The following CTNNA2 variants were observed in gnomAD, a reference collection of about 807,000 sequenced individuals.
CTNNA2 encodes catenin alpha-2.
A neutral mutation model predicts 101.0 loss-of-function variants in CTNNA2; 42 were observed. The ratio of observed to expected loss-of-function variants is 0.42; its 90% CI spans 0.32 to 0.54. The LOEUF is 0.54. Among genes scored for constraint, CTNNA2 ranks in the 20% least tolerant of loss-of-function variants. CTNNA2 has a pLI of 0.14. For synonymous variants in CTNNA2, 450 were observed against 456.4 expected, an observed-to-expected ratio of 0.99 and a Z score of 0.18; for missense variants, 871 against 1,223.1, an observed-to-expected ratio of 0.71 and a Z score of 4.29.
intron 7 of CTNNA2, among the ~76,000 whole-genome samples, chr2:80,366,049 A>G (rs1242069410): frequency 1.3e-5 from 2 of 152,152 alleles, no homozygotes; most frequent in Non-Finnish European, 2.9e-5. Flanking sequence ...ATGATAGGGA[A>G]GGTAATGGGA....
At position 80,574,312 on chromosome 2, in the gene CTNNA2, A is replaced by C; in HGVS notation, c.1891A>C (p.Arg631=). 1 of 1,608,464 alleles carries C rather than the reference A, an allele frequency of 6.2e-7. No homozygotes were observed. Among genetic ancestry groups the C allele is most frequent in the Non-Finnish European group, 8.5e-7 (1 of 1,175,690 alleles). The change falls in exon 13 of 19, where the codon AGG becomes CGG. Residue 631 remains arginine (R), a splice_region_variant and synonymous_variant. Coordinates refer to ENST00000402739, the MANE Select transcript of CTNNA2 (RefSeq NM_001282597.3). ...RDIRKAVLMI[R]TPEELEDDSD... ...CATCAGAAAGGCTGTGCTGATGATC[A>C]GGGTATGTGAGGCCTCTGTAGCTCA...
chr2:80,564,555 A>G (rs1447721865), intron 12 of CTNNA2, among the ~76,000 whole-genome samples: 1 of 142,336 alleles, frequency 7.0e-6, no homozygotes, highest in African/African-American at 2.6e-5. Context: ...GTCCTTCTTC[A>G]TCTTTTATCA....
chr2:79,562,777 CATG>C (rs1276272770), intron 1 of CTNNA2, among the ~76,000 whole-genome samples: 5 of 151,914 alleles, frequency 3.3e-5, no homozygotes, highest in Non-Finnish European at 2.9e-5. Context: ...TGTTGAACAG[CATG>C]ATATCACTTT....
chr2:80,451,629 T>C (rs1257102295), intron 9 of CTNNA2, among the ~76,000 whole-genome samples: 1 of 152,200 alleles, frequency 6.6e-6, no homozygotes, highest in Non-Finnish European at 1.5e-5. Context: ...CATCAGGACT[T>C]GATATGTAAT....
intron 2 of CTNNA2, among the ~76,000 whole-genome samples, chr2:79,243,712 C>G (rs1674663269): frequency 6.6e-6 from 1 of 152,100 alleles, no homozygotes; most frequent in Admixed American, 6.5e-5. Context: ...TACTGAGGAT[C>G]AGGAAAAGTC....
At chr2:80,415,766 A>T (rs142255390) in intron 8 of CTNNA2, among the ~76,000 whole-genome samples, 7 of 152,270 alleles carry the variant, frequency 4.6e-5, no homozygotes, top group African/African-American at 1.7e-4. Flanking sequence ...TAGCCAAGAC[A>T]TGGAATCAAC....
In CTNNA2 at chr2:79,766,818, T is replaced by A. The variant is rs563193901; in HGVS notation, c.298+22236T>A. Among the ~76,000 whole-genome samples the A allele has an allele frequency of 7.6e-4, 115 of 152,074 alleles. 1 individual carries two copies. The highest frequency in any genetic ancestry group is 9.4e-4 in the Non-Finnish European group (64 of 67,992). ...TCACCCAGGCTGGAGTGCAGCGGCA[T>A]GATCTCGGCTCACCGCAACCTCCAC... On this transcript the variant is annotated intron_variant, in intron 3 of 18. Coordinates refer to ENST00000402739, the MANE Select transcript of CTNNA2 (RefSeq NM_001282597.3).
At chr2:79,466,093 C>T (rs1558673274) in intron 4 of CTNNA2, among the ~76,000 whole-genome samples, 1 of 152,234 alleles carries the variant, frequency 6.6e-6, no homozygotes, top group Non-Finnish European at 1.5e-5. Flanking sequence ...GAGGCATCGC[C>T]TCACCCAGGA....
In CTNNA2 at chr2:79,565,585, A is replaced by G. The variant is rs73938728; in HGVS notation, c.-6+52378A>G. On this transcript the variant is annotated intron_variant, in intron 1 of 18. Transcript: ENST00000402739. Reference sequence around the variant, plus strand: ...GGAAACTCGCAGAAGTATTTAAGCAATTATTCAGGAGGTAGATAGAACCTT... The same window carrying G: ...GGAAACTCGCAGAAGTATTTAAGCAGTTATTCAGGAGGTAGATAGAACCTT... 7.6e-3 allele frequency among the ~76,000 whole-genome samples: 1,161 copies of G among 152,284 alleles called. 15 individuals carry two copies. Among genetic ancestry groups the G allele is most frequent in the African/African-American group, 0.027 (1,102 of 41,566 alleles).
At chr2:80,079,750 C>G (rs950810558) in intron 7 of CTNNA2, among the ~76,000 whole-genome samples, 10 of 151,366 alleles carry the variant, frequency 6.6e-5, no homozygotes, top group African/African-American at 9.7e-5. Flanking sequence ...GGAGGCGGAG[C>G]TTGCAGTGAG....
intron 1 of CTNNA2, among the ~76,000 whole-genome samples, chr2:79,619,292 T>G (rs1479588228): frequency 6.6e-6 from 1 of 152,154 alleles, no homozygotes; most frequent in African/African-American, 2.4e-5. Flanking sequence ...GGGAAAAGAC[T>G]AAGAAAGAAG....
At position 79,737,205 on chromosome 2, in the gene CTNNA2, T is replaced by C. The variant is rs559508391; in HGVS notation, c.103-7182T>C. On this transcript the variant is annotated intron_variant, in intron 2 of 18. Coordinates refer to ENST00000402739, the MANE Select transcript of CTNNA2 (RefSeq NM_001282597.3). ...TCTACTAAAAATACAAAAAATTAGCTGGGCTTGGTGGCGGGTGCCTGTAAT... is the reference window on the plus strand; with the variant it reads ...TCTACTAAAAATACAAAAAATTAGCCGGGCTTGGTGGCGGGTGCCTGTAAT... Among the ~76,000 whole-genome samples, 183 of 152,102 alleles carry C rather than the reference T, an allele frequency of 1.2e-3. 1 individual carries two copies. Among genetic ancestry groups the C allele is most frequent in the Middle Eastern group, 3.4e-3 (1 of 294 alleles).
At chr2:80,235,192 A>G (rs2149082038) in intron 7 of CTNNA2, among the ~76,000 whole-genome samples, 1 of 152,298 alleles carries the variant, frequency 6.6e-6, no homozygotes, top group African/African-American at 2.4e-5. Context: ...AAATATGCAT[A>G]TATGAAAGTA....
intron 1 of CTNNA2, among the ~76,000 whole-genome samples, chr2:79,525,271 T>C (rs1672340949): frequency 6.6e-6 from 1 of 151,940 alleles, no homozygotes; most frequent in Non-Finnish European, 1.5e-5. Context: ...AGTAAGATCT[T>C]CTTATTCAAA....
intron 18 of CTNNA2, among the ~76,000 whole-genome samples, chr2:80,637,832 C>T (rs997183610): frequency 2.1e-4 from 32 of 152,244 alleles, no homozygotes; most frequent in African/African-American, 7.7e-4. Context: ...AACCTGCACC[C>T]AAACCGCAGC....
chr2:79,923,662 A>G (rs1574322666), intron 7 of CTNNA2, among the ~76,000 whole-genome samples: 1 of 152,078 alleles, frequency 6.6e-6, no homozygotes. Context: ...CTGTGTAACT[A>G]TTTCATGCTG....
intron 7 of CTNNA2, among the ~76,000 whole-genome samples, chr2:80,309,922 A>G (rs954162385): frequency 7.7e-6 from 1 of 129,862 alleles, no homozygotes; most frequent in Non-Finnish European, 1.7e-5. Flanking sequence ...GATTAAATGA[A>G]CAAACTCTAA....
intron 1 of CTNNA2, among the ~76,000 whole-genome samples, chr2:79,607,201 A>T (rs1242222388): frequency 1.3e-5 from 2 of 152,244 alleles, no homozygotes; most frequent in African/African-American, 2.4e-5. Flanking sequence ...TTTCATAGTG[A>T]TATAGAGATC....
chr2:80,544,182 C>T (rs928976058), intron 9 of CTNNA2, among the ~76,000 whole-genome samples: 18 of 151,960 alleles, frequency 1.2e-4, no homozygotes, highest in Non-Finnish European at 4.4e-5. Flanking sequence ...GCTTCCCCTT[C>T]CCTCCTTGGT....
Sources: allele counts gnomAD v4.1 joint callset (sites outside exome capture counted in the v4.1 genomes callset), GRCh38; gene constraint gnomAD v4.1.1; transcripts MANE v1.5; gene names NCBI Gene and HGNC (gene_info 2026-07-23, HGNC 2026-07-21).